The following XKR5 variants were observed in gnomAD, a reference collection of about 807,000 sequenced individuals.
The protein encoded by XKR5 is XK related 5.
A neutral mutation model predicts 40.8 loss-of-function variants in XKR5; 46 were observed. That is an observed-to-expected ratio of 1.13 (90% CI 0.89 to 1.44). The LOEUF (loss-of-function observed/expected upper bound fraction) is 1.44. Among genes scored for constraint, XKR5 ranks in the 40% most tolerant of loss-of-function variants. The pLI is 0.00. For synonymous variants in XKR5, 466 were observed against 356.1 expected, an observed-to-expected ratio of 1.31 and a Z score of -3.48; for missense variants, 1,169 against 844.7, an observed-to-expected ratio of 1.38 and a Z score of -4.76.
intron 1 of XKR5, among the ~76,000 whole-genome samples, chr8:6,833,892 G>A (rs1219571906): frequency 6.6e-6 from 1 of 152,236 alleles, no homozygotes; most frequent in Non-Finnish European, 1.5e-5. Flanking sequence ...GAAGCGCCTA[G>A]CATCTTGTGC....
At chr8:6,816,941 T>A (rs1803987028) in intron 5 of XKR5, among the ~76,000 whole-genome samples, 1 of 152,160 alleles carries the variant, frequency 6.6e-6, no homozygotes, top group African/African-American at 2.4e-5. Context: ...TGAACATCCA[T>A]TCTCCCAGTC....
At chr8:6,832,392 C>T (rs184827687) in intron 2 of XKR5, among the ~76,000 whole-genome samples, 13 of 152,176 alleles carry the variant, frequency 8.5e-5, no homozygotes, top group African/African-American at 3.1e-4. Context: ...ATGGAACTGC[C>T]TTAAGTAAGT....
chr8:6,832,675 G>T, intron 2 of XKR5, 42 bp downstream of exon 2: 3 of 1,606,532 alleles, frequency 1.9e-6, no homozygotes, highest in Non-Finnish European at 2.6e-6. Context: ...CACTGCACTT[G>T]TGCAATTGTG....
intron 2 of XKR5, among the ~76,000 whole-genome samples, chr8:6,827,237 C>A (rs1454465092): frequency 6.6e-6 from 1 of 152,204 alleles, no homozygotes; most frequent in Admixed American, 6.5e-5. Context: ...ACCACAGCCG[C>A]CTGCACACGA....
At chr8:6,822,103 C>G in intron 4 of XKR5, 65 bp from the exon 5 acceptor site, 1 of 1,488,466 alleles carries the variant, frequency 6.7e-7, no homozygotes. Flanking sequence ...GGCAAGGACA[C>G]AGAGACCAGG....
At chr8:6,814,408 C>T (rs182784562) in intron 6 of XKR5, among the ~76,000 whole-genome samples, 16 of 152,174 alleles carry the variant, frequency 1.1e-4, no homozygotes, top group East Asian at 7.7e-4. Context: ...ACTTTCACAA[C>T]GCATTCTCCA....
Position 6,819,773 on chromosome 8 carries a change from C to A in XKR5, c.807+2096G>T, listed in dbSNP as rs139590204. On this transcript the variant is annotated intron_variant, in intron 5 of 6. Transcript: ENST00000618742. The stretch of plus-strand genomic sequence containing the variant: ...ATCCTCGGAGTTATGTGTTATTTCA[C>A]CTCTTTATGGTGATATTGGCTATCT... Among the ~76,000 whole-genome samples the A allele has an allele frequency of 7.4e-3, 1,132 of 152,198 alleles. 6 individuals are homozygous for A. Among genetic ancestry groups the A allele is most frequent in the South Asian group, 0.023 (112 of 4,806 alleles).
At chr8:6,834,544 G>A (rs1804918836) in intron 1 of XKR5, among the ~76,000 whole-genome samples, 1 of 152,234 alleles carries the variant, frequency 6.6e-6, no homozygotes, top group Non-Finnish European at 1.5e-5. Context: ...CCAGTCCGGG[G>A]CGCGGAGCCA....
In XKR5 at chr8:6,812,290, T is replaced by C; in HGVS notation, c.969A>G (p.Thr323=). The change falls in exon 7 of 7, where the codon ACA becomes ACG. Residue 323 remains threonine (T), a synonymous_variant. Transcript: ENST00000618742. ...TCCTTAGGCAGCCCTGCCAGATGTCTGTGGATTTTGGATGCAGCAGGCTGT... is the reference window on the plus strand; with the variant it reads ...TCCTTAGGCAGCCCTGCCAGATGTCCGTGGATTTTGGATGCAGCAGGCTGT... The part of the protein sequence containing the change: ...IYYSLLHPKS[T]DIWQGCLRKS... 1 of 1,553,968 alleles carries C rather than the reference T, an allele frequency of 6.4e-7. No homozygotes were observed. Among genetic ancestry groups the C allele is most frequent in the Non-Finnish European group, 8.7e-7 (1 of 1,147,830 alleles).
chr8:6,834,537 G>C (rs917572395), intron 1 of XKR5, among the ~76,000 whole-genome samples: 1 of 152,236 alleles, frequency 6.6e-6, no homozygotes, highest in African/African-American at 2.4e-5. Flanking sequence ...AGCCCTTCCA[G>C]TCCGGGGCGC....
Position 6,811,186 on chromosome 8 carries a change from C to A in XKR5, c.*12G>T. On this transcript the variant is annotated 3_prime_UTR_variant, in exon 7 of 7. Transcript: ENST00000618742. Reference sequence around the variant, plus strand: ...TTTGTCAGCCTGTTGTCTTATCCCACCATGACTGTGGTCAGATGAAAAAAC... The same window carrying A: ...TTTGTCAGCCTGTTGTCTTATCCCAACATGACTGTGGTCAGATGAAAAAAC... 6.5e-7 allele frequency: 1 copy of A among 1,529,182 alleles called. No individual in the cohort carries two copies. The highest frequency in any genetic ancestry group is 1.7e-4 in the Middle Eastern group (1 of 5,942). 94.7% of individuals were successfully genotyped at this position (1,529,182 alleles called of 1,614,324 possible). A position where few individuals can be genotyped will look rare whatever the true frequency, so the allele number is the denominator to read the frequency against.
rs1563344626 is a variant in XKR5 at position 6,811,493 on chromosome 8, GC to G, written c.1765del (p.Ala589ArgfsTer14). 1 of 1,527,814 alleles carries G rather than the reference GC, an allele frequency of 6.5e-7. No homozygotes were observed. Among genetic ancestry groups the G allele is most frequent in the Non-Finnish European group, 8.8e-7 (1 of 1,141,548 alleles). 94.6% of individuals were successfully genotyped at this position (1,527,814 alleles called of 1,614,324 possible). ...GTCGGCCATGGTGTCGGGGAAGGGC[GC>G]CAAGCCCACTGGGTGGGGCGATGCA... ...QPASPHPVGL[A>X]PFPDTMADIS... On this transcript the variant is annotated frameshift_variant, in exon 7 of 7. Coordinates refer to ENST00000618742, the MANE Select transcript of XKR5 (RefSeq NM_207411.5). LOFTEE classifies it low-confidence loss of function (END_TRUNC).
intron 2 of XKR5, among the ~76,000 whole-genome samples, chr8:6,826,209 T>C (rs1464115359): frequency 1.3e-5 from 2 of 152,156 alleles, no homozygotes; most frequent in African/African-American, 2.4e-5. Flanking sequence ...TATGCATATG[T>C]ATATAGGCAT....
At position 6,812,336 on chromosome 8, in the gene XKR5, C is replaced by T; in HGVS notation, c.923G>A (p.Ser308Asn). 1 of 1,542,260 alleles carries T rather than the reference C, an allele frequency of 6.5e-7. No individual in the cohort carries two copies. The highest frequency in any genetic ancestry group is 1.2e-5 in the South Asian group (1 of 82,038). ...AGVLSGFLIG[S>N]VSLVIYYSLL... ...GCTGTAATAAATTACCAGTGAGACA[C>T]TGCCTGAAAAAGAACAAAAAGACCA... The change falls in exon 7 of 7, where the codon AGT (serine) becomes AAT (asparagine). Residue 308 changes from serine (S) to asparagine (N), a missense_variant. Physicochemically the swap from Ser to Asn is conservative, Grantham distance 46. Coordinates refer to ENST00000618742, the MANE Select transcript of XKR5 (RefSeq NM_207411.5).
chr8:6,823,295 C>A (rs1484251720), intron 4 of XKR5, among the ~76,000 whole-genome samples: 2 of 152,150 alleles, frequency 1.3e-5, no homozygotes, highest in African/African-American at 2.4e-5. Flanking sequence ...CAGTTCCTTG[C>A]CATTGCAATT....
chr8:6,831,954 G>A (rs1245953200), intron 2 of XKR5, among the ~76,000 whole-genome samples: 1 of 144,914 alleles, frequency 6.9e-6, no homozygotes, highest in African/African-American at 2.6e-5. Flanking sequence ...GGCGGAGGTT[G>A]CAGTGAGCCA....
At chr8:6,832,977 A>C in intron 1 of XKR5, 77 bp from the exon 2 acceptor site, 1 of 1,288,182 alleles carries the variant, frequency 7.8e-7, no homozygotes, top group Non-Finnish European at 1.0e-6. Flanking sequence ...TAAACAACTG[A>C]ACATTTTCTG....
Position 6,817,920 on chromosome 8 carries a change from A to G in XKR5, c.808-2002T>C, listed in dbSNP as rs79892638. Among the ~76,000 whole-genome samples the G allele has an allele frequency of 9.2e-3, 1,406 of 152,272 alleles. 18 individuals carry two copies. Among genetic ancestry groups the G allele is most frequent in the African/African-American group, 0.032 (1,340 of 41,528 alleles). ...AAGTGACAAGCGCCAATGAACAAACACAGATGGCACACTCACATTTACGAT... is the reference window on the plus strand; with the variant it reads ...AAGTGACAAGCGCCAATGAACAAACGCAGATGGCACACTCACATTTACGAT... On this transcript the variant is annotated intron_variant, in intron 5 of 6. Transcript: ENST00000618742.
chr8:6,833,002 C>T, intron 1 of XKR5, 102 bp from the exon 2 acceptor site: 1 of 1,100,984 alleles, frequency 9.1e-7, no homozygotes, highest in Non-Finnish European at 1.2e-6. Flanking sequence ...TTATGATGTT[C>T]TGACCTCTTA....
Sources: gnomAD v4.1 joint callset for allele counts (sites outside exome capture counted in the v4.1 genomes callset) on GRCh38, gnomAD v4.1.1 for gene constraint, MANE v1.5 for transcripts, NCBI Gene and HGNC (gene_info 2026-07-23, HGNC 2026-07-21) for gene names.